CDKAL1: variants seen among roughly 807,000 people sequenced by gnomAD.
CDKAL1 encodes the protein threonylcarbamoyladenosine tRNA methylthiotransferase.
A neutral mutation model predicts 68.2 loss-of-function variants in CDKAL1; 32 were observed. The ratio of observed to expected loss-of-function variants is 0.47; its 90% CI spans 0.35 to 0.63. The LOEUF is 0.63. Ranked by LOEUF, CDKAL1 falls within the 30% of genes least tolerant of loss-of-function variation. The pLI is 0.00. For synonymous variants in CDKAL1, 234 were observed against 244.3 expected, an observed-to-expected ratio of 0.96 and a Z score of 0.39; for missense variants, 606 against 696.7, an observed-to-expected ratio of 0.87 and a Z score of 1.47.
At chr6:20,593,636 T>C (rs1765691920) in intron 4 of CDKAL1, among the ~76,000 whole-genome samples, 2 of 151,844 alleles carry the variant, frequency 1.3e-5, no homozygotes, top group Admixed American at 1.3e-4. Flanking sequence ...AGCTCCTGGA[T>C]TCATTGATTT....
intron 9 of CDKAL1, among the ~76,000 whole-genome samples, chr6:20,871,507 C>T (rs766346449): frequency 1.3e-5 from 2 of 152,092 alleles, no homozygotes; most frequent in African/African-American, 2.4e-5. Context: ...CACCCAAGTT[C>T]GGTCTCTTCC....
chr6:20,925,391 T>C (rs1341443095), intron 9 of CDKAL1, among the ~76,000 whole-genome samples: 3 of 152,254 alleles, frequency 2.0e-5, no homozygotes, highest in Non-Finnish European at 4.4e-5. Context: ...TTTTCCCTTA[T>C]TGCAGTAGAC....
intron 9 of CDKAL1, among the ~76,000 whole-genome samples, chr6:20,951,411 T>A (rs1764517967): frequency 6.6e-6 from 1 of 152,204 alleles, no homozygotes; most frequent in South Asian, 2.1e-4. Context: ...TTGAGGATAT[T>A]ATCCTTCTTT....
intron 5 of CDKAL1, among the ~76,000 whole-genome samples, chr6:20,728,867 C>A (rs1772776154): frequency 6.6e-6 from 1 of 151,716 alleles, no homozygotes; most frequent in South Asian, 2.1e-4. Flanking sequence ...TCTTTTCTTT[C>A]TTTTTTTATT....
chr6:21,227,038 C>T (rs997310889), intron 15 of CDKAL1, among the ~76,000 whole-genome samples: 4 of 152,154 alleles, frequency 2.6e-5, no homozygotes, highest in Admixed American at 2.0e-4. Flanking sequence ...TAACATTATT[C>T]GAATTTGGTG....
chr6:20,897,124 T>C (rs1032582942), intron 9 of CDKAL1, among the ~76,000 whole-genome samples: 8 of 152,190 alleles, frequency 5.3e-5, no homozygotes, highest in African/African-American at 1.9e-4. Flanking sequence ...TAGCTGTTTA[T>C]TCACATGACA....
intron 5 of CDKAL1, among the ~76,000 whole-genome samples, chr6:20,702,830 G>A (rs1399633913): frequency 1.3e-5 from 2 of 152,120 alleles, no homozygotes; most frequent in Non-Finnish European, 2.9e-5. Context: ...AGGTCTGTGG[G>A]GGTGGAGCCC....
intron 7 of CDKAL1, among the ~76,000 whole-genome samples, chr6:20,780,650 GT>G (rs1353234897): frequency 1.4e-5 from 2 of 141,784 alleles, no homozygotes; most frequent in East Asian, 2.0e-4. Context: ...TGTTTTTCTT[GT>G]TTTTTTTCAT....
At chr6:20,729,077 G>C (rs899528258) in intron 5 of CDKAL1, among the ~76,000 whole-genome samples, 2 of 152,210 alleles carry the variant, frequency 1.3e-5, no homozygotes, top group South Asian at 4.1e-4. Context: ...CACTTATCAG[G>C]GATATTGTAG....
At chr6:20,965,713 C>A (rs905795282) in intron 10 of CDKAL1, among the ~76,000 whole-genome samples, 2 of 152,300 alleles carry the variant, frequency 1.3e-5, no homozygotes, top group African/African-American at 2.4e-5. Flanking sequence ...CATTGCCAGT[C>A]CCCTGAATCC....
chr6:21,055,357 CTTTT>C (rs929843056), intron 11 of CDKAL1, among the ~76,000 whole-genome samples: 3 of 151,824 alleles, frequency 2.0e-5, no homozygotes, highest in Non-Finnish European at 2.9e-5. Flanking sequence ...TTAAAAAAAA[CTTTT>C]TTTGTTTGTT....
At position 21,050,223 on chromosome 6, in the gene CDKAL1, T is replaced by C. The variant is rs144182335; in HGVS notation, c.1056-14825T>C. On this transcript the variant is annotated intron_variant, in intron 11 of 15. Transcript: ENST00000274695. The stretch of plus-strand genomic sequence containing the variant: ...ATAAATATTATGTATAATTAATATG[T>C]TAGTTGTATTTTAGCATATAGATTT... Among the ~76,000 whole-genome samples, 1,482 of 152,302 alleles carry C rather than the reference T, an allele frequency of 9.7e-3. 26 individuals carry two copies. Among genetic ancestry groups the C allele is most frequent in the African/African-American group, 0.034 (1,399 of 41,554 alleles).
chr6:20,727,629 G>T (rs547328815), intron 5 of CDKAL1, among the ~76,000 whole-genome samples: 1 of 152,272 alleles, frequency 6.6e-6, no homozygotes, highest in Non-Finnish European at 1.5e-5. Flanking sequence ...TCCTGATACT[G>T]GAGAGGGAGA....
intron 13 of CDKAL1, among the ~76,000 whole-genome samples, chr6:21,187,132 G>A (rs946127395): frequency 1.3e-5 from 2 of 152,054 alleles, no homozygotes; most frequent in South Asian, 4.2e-4. Flanking sequence ...ATTGAGATTC[G>A]CCACATTTTA....
chr6:21,118,051 T>G (rs1774507354), intron 13 of CDKAL1, among the ~76,000 whole-genome samples: 1 of 152,214 alleles, frequency 6.6e-6, no homozygotes, highest in Non-Finnish European at 1.5e-5. Flanking sequence ...CAAAGAAAAT[T>G]AAATTTAAAA....
chr6:20,800,417 T>A lies in CDKAL1; in HGVS notation c.638+19152T>A, dbSNP rs576221292. On this transcript the variant is annotated intron_variant, in intron 8 of 15. Coordinates refer to ENST00000274695, the MANE Select transcript of CDKAL1 (RefSeq NM_017774.3). Reference sequence around the variant, plus strand: ...TCTCTAGTTCCAGAAAGCAAATAAGTGAATCCCTGAGGCAAATTGGTCTGG... The same window carrying A: ...TCTCTAGTTCCAGAAAGCAAATAAGAGAATCCCTGAGGCAAATTGGTCTGG... Among the ~76,000 whole-genome samples, 3 of 152,226 alleles carry A rather than the reference T, an allele frequency of 2.0e-5. No individual in the cohort carries two copies. In the East Asian group the frequency reaches 5.8e-4, roughly 29 times the overall value.
intron 11 of CDKAL1, among the ~76,000 whole-genome samples, chr6:21,025,395 TTTTGG>T (rs1379965278): frequency 6.6e-6 from 1 of 152,186 alleles, no homozygotes; most frequent in Non-Finnish European, 1.5e-5. Flanking sequence ...AGTTTTGTTG[TTTTGG>T]TTTGGTTTGG....
chr6:20,548,417 C>G (rs1763687440), intron 3 of CDKAL1, among the ~76,000 whole-genome samples, 176 bp from the exon 4 acceptor site: 1 of 151,818 alleles, frequency 6.6e-6, no homozygotes, highest in African/African-American at 2.4e-5. Flanking sequence ...ACTGTAGTCC[C>G]AGCTACTTGG....
At chr6:20,908,311 A>T (rs2150616054) in intron 9 of CDKAL1, among the ~76,000 whole-genome samples, 2 of 152,350 alleles carry the variant, frequency 1.3e-5, no homozygotes, top group Admixed American at 1.3e-4. Context: ...TAAGAATTGA[A>T]TTCTGTCTGT....
Sources: gnomAD v4.1 joint callset for allele counts (sites outside exome capture counted in the v4.1 genomes callset) on GRCh38, gnomAD v4.1.1 for gene constraint, MANE v1.5 for transcripts, NCBI Gene and HGNC (gene_info 2026-07-23, HGNC 2026-07-21) for gene names.